Variants in WDR25 observed in about 807,000 individuals in gnomAD.
WDR25 encodes WD repeat domain 25, also known as WD repeat-containing protein 25.
WDR25 carries 35 observed loss-of-function variants against 47.7 expected under a neutral mutation model. That is an observed-to-expected ratio of 0.73 (90% CI 0.56 to 0.97). WDR25 has a LOEUF of 0.97. Among genes scored for constraint, WDR25 ranks in the 50% least tolerant of loss-of-function variants. The pLI is 0.00. For synonymous variants in WDR25, 248 were observed against 278.9 expected, an observed-to-expected ratio of 0.89 and a Z score of 1.10; for missense variants, 634 against 704.7, an observed-to-expected ratio of 0.90 and a Z score of 1.14.
chr14:100,484,262 G>A lies in WDR25; in HGVS notation c.1101+138G>A. On this transcript the variant is annotated intron_variant, in intron 4 of 6. Coordinates refer to ENST00000402312, the MANE Select transcript of WDR25 (RefSeq NM_001161476.3). ...CCACTTAATATTTAATCAGTGCTAA[G>A]CATAATTTTTAGATGTTTTGAAAGA... is the stretch of plus-strand genomic sequence containing the variant. 6.1e-6 allele frequency: 6 copies of A among 987,898 alleles called. No individual in the cohort carries two copies. In the South Asian group the frequency reaches 1.4e-4, roughly 23 times the overall value. The allele number at this position is 987,898 out of a possible 1,614,324, so 61.2% of individuals were successfully genotyped here. A position where few individuals can be genotyped will look rare whatever the true frequency, so the allele number is the denominator to read the frequency against.
At chr14:100,465,894 C>T (rs1899613120) in intron 2 of WDR25, among the ~76,000 whole-genome samples, 1 of 152,304 alleles carries the variant, frequency 6.6e-6, no homozygotes, top group Non-Finnish European at 1.5e-5. Context: ...TTGATAGCAG[C>T]CATCCTAATG....
At chr14:100,479,807 C>CT (rs911053858) in intron 3 of WDR25, among the ~76,000 whole-genome samples, 7 of 152,052 alleles carry the variant, frequency 4.6e-5, no homozygotes, top group Admixed American at 6.5e-5. Context: ...TGAACATTCC[C>CT]GCCTGAGCTC....
chr14:100,432,970 G>C (rs1898385899), intron 2 of WDR25, among the ~76,000 whole-genome samples: 1 of 152,222 alleles, frequency 6.6e-6, no homozygotes, highest in South Asian at 2.1e-4. Context: ...GGAACACAAT[G>C]GGGCATTTGT....
intron 4 of WDR25, among the ~76,000 whole-genome samples, chr14:100,504,108 T>G (rs1901033186): frequency 6.6e-6 from 1 of 152,210 alleles, no homozygotes; most frequent in Non-Finnish European, 1.5e-5. Context: ...CTGATTATTT[T>G]GAAGCAAATC....
chr14:100,517,969 C>T (rs1418709444), intron 4 of WDR25, among the ~76,000 whole-genome samples: 1 of 152,216 alleles, frequency 6.6e-6, no homozygotes, highest in African/African-American at 2.4e-5. Context: ...ATCCCCTTCC[C>T]AGACAATGCT....
intron 4 of WDR25, among the ~76,000 whole-genome samples, chr14:100,489,192 C>T (rs111380589): frequency 0.01 from 1,575 of 152,326 alleles, 29 homozygotes; most frequent in African/African-American, 0.036. Context: ...ATGGTGTGGC[C>T]ATCAAAGCAC....
At position 100,463,768 on chromosome 14, in the gene WDR25, C is replaced by T. The variant is rs566804455; in HGVS notation, c.823-4253C>T. ...TACCCCTTCTGCAGGCTGACCCATC[C>T]CTGCAACTCCACCCCTTTCAGTGCT... On this transcript the variant is annotated intron_variant, in intron 2 of 6. Coordinates refer to ENST00000402312, the MANE Select transcript of WDR25 (RefSeq NM_001161476.3). Among the ~76,000 whole-genome samples the T allele has an allele frequency of 9.8e-5, 15 of 152,308 alleles. No individual in the cohort carries two copies. In the South Asian group the frequency reaches 2.7e-3, roughly 27 times the overall value.
At chr14:100,379,071 T>C (rs1016144923) in intron 1 of WDR25, among the ~76,000 whole-genome samples, 2 of 151,478 alleles carry the variant, frequency 1.3e-5, no homozygotes, top group Non-Finnish European at 2.9e-5. Context: ...GGCAGGCCTT[T>C]CCCACCATGG....
intron 2 of WDR25, among the ~76,000 whole-genome samples, chr14:100,458,174 G>A (rs1191181042): frequency 6.6e-6 from 1 of 151,992 alleles, no homozygotes; most frequent in African/African-American, 2.4e-5. Context: ...GACACAAAAA[G>A]TTAAATATAA....
intron 3 of WDR25, among the ~76,000 whole-genome samples, chr14:100,475,868 A>C (rs1200637416): frequency 6.6e-6 from 1 of 151,072 alleles, no homozygotes; most frequent in African/African-American, 2.5e-5. Context: ...AGATCAAAAC[A>C]TCACATTGTA....
intron 2 of WDR25, among the ~76,000 whole-genome samples, chr14:100,384,704 G>T (rs1489313224): frequency 2.0e-5 from 3 of 152,158 alleles, no homozygotes; most frequent in Non-Finnish European, 4.4e-5. Context: ...GGAAATGGTG[G>T]GTGCAGCATG....
intron 2 of WDR25, among the ~76,000 whole-genome samples, chr14:100,386,622 G>T (rs1029685240): frequency 1.3e-5 from 2 of 152,114 alleles, no homozygotes; most frequent in Non-Finnish European, 2.9e-5. Context: ...GGCCAGGCGC[G>T]GTGGCTCATG....
At chr14:100,398,358 C>CAGCA (rs1319933143) in intron 2 of WDR25, among the ~76,000 whole-genome samples, 51 of 152,184 alleles carry the variant, frequency 3.4e-4, no homozygotes, top group Admixed American at 2.0e-3. Flanking sequence ...ATGTTTCAGC[C>CAGCA]AGCATTCCAG....
intron 4 of WDR25, among the ~76,000 whole-genome samples, chr14:100,493,945 G>A (rs1900648754): frequency 6.6e-6 from 1 of 152,236 alleles, no homozygotes. Flanking sequence ...TTGCAAACCT[G>A]CAAGAGTGCC....
intron 4 of WDR25, among the ~76,000 whole-genome samples, chr14:100,496,842 T>C (rs989227891): frequency 2.2e-5 from 3 of 137,266 alleles, no homozygotes; most frequent in African/African-American, 8.2e-5. Flanking sequence ...TTTTTTTTTT[T>C]TTTTTTTTTT....
chr14:100,522,134 A>G (rs992020634), intron 4 of WDR25, among the ~76,000 whole-genome samples: 2 of 152,088 alleles, frequency 1.3e-5, no homozygotes, highest in Admixed American at 1.3e-4. Flanking sequence ...ACAGATAGTG[A>G]CCTTTGCCTG....
chr14:100,381,592 C>T lies in WDR25; in HGVS notation c.668C>T (p.Pro223Leu), dbSNP rs377508410. 6.3e-5 allele frequency: 101 copies of T among 1,609,120 alleles called. No homozygotes were observed. Among genetic ancestry groups the T allele is most frequent in the African/African-American group, 1.1e-4 (8 of 74,734 alleles). The change falls in exon 2 of 7, where the codon CCA becomes CTA. Residue 223 changes from proline (P) to leucine (L), a missense_variant. Pro to Leu is a moderately conservative substitution (Grantham distance 98, BLOSUM62 -3). Coordinates refer to ENST00000402312, the MANE Select transcript of WDR25 (RefSeq NM_001161476.3). ...VGPGVSEFIQ[P>L]YLNSHYKETT... is the part of the protein sequence containing the mutation. The stretch of plus-strand genomic sequence containing the variant: ...CCGGGAGTGTCTGAGTTTATTCAGC[C>T]ATATTTGAATAGCCATTATAAAGAA...
chr14:100,460,418 A>G (rs1490861681), intron 2 of WDR25, among the ~76,000 whole-genome samples: 1 of 152,148 alleles, frequency 6.6e-6, no homozygotes, highest in Non-Finnish European at 1.5e-5. Context: ...GGCTGATACA[A>G]AATTTTTAAA....
At chr14:100,526,161 A>G in intron 5 of WDR25, 121 bp downstream of exon 5, 1 of 1,253,486 alleles carries the variant, frequency 8.0e-7, no homozygotes, top group Non-Finnish European at 1.1e-6. Context: ...TGAAATCTCC[A>G]GGATGAGGGT....
Sources: allele counts gnomAD v4.1 joint callset (sites outside exome capture counted in the v4.1 genomes callset), GRCh38; gene constraint gnomAD v4.1.1; transcripts MANE v1.5; gene names NCBI Gene and HGNC (gene_info 2026-07-23, HGNC 2026-07-21).